MINDY2: variants seen among roughly 807,000 people sequenced by gnomAD.
The protein encoded by MINDY2 is MINDY lysine 48 deubiquitinase 2, also known as ubiquitin carboxyl-terminal hydrolase MINDY-2.
A neutral mutation model predicts 68.2 loss-of-function variants in MINDY2; 52 were observed. The observed-to-expected ratio is 0.76, with a 90% CI of 0.61 to 0.96. The LOEUF (loss-of-function observed/expected upper bound fraction) is 0.96, where lower values mean the gene tolerates loss of function less well. MINDY2 is among the 40% of genes least tolerant of loss of function. The probability of loss-of-function intolerance (pLI) is 0.00; values close to 1 mark genes in which losing one functional copy is unlikely to be tolerated. For missense variants in MINDY2, 881 were observed against 773.4 expected (o/e 1.14, Z -1.65); for synonymous variants, 372 against 303.0 (o/e 1.23, Z -2.36).
intron 2 of MINDY2, among the ~76,000 whole-genome samples, chr15:58,800,150 C>G (rs1482609188): frequency 3.3e-5 from 5 of 152,142 alleles, no homozygotes; most frequent in Non-Finnish European, 5.9e-5. Context: ...ATGCCAAGCC[C>G]TCTCTTCCAT....
At chr15:58,813,636 C>T (rs1461695016) in intron 4 of MINDY2, among the ~76,000 whole-genome samples, 3 of 152,086 alleles carry the variant, frequency 2.0e-5, no homozygotes, top group Admixed American at 2.0e-4. Context: ...CAGGGTCTTG[C>T]TTTGTTGCCC....
chr15:58,831,860 G>A lies in MINDY2; in HGVS notation c.1312G>A (p.Gly438Arg). 1.2e-6 allele frequency: 2 copies of A among 1,613,640 alleles called. No individual in the cohort carries two copies. The highest frequency in any genetic ancestry group is 8.5e-7 in the Non-Finnish European group (1 of 1,179,784). ...LCELTSTVQE[G>R]ELCVFFRNNH... ...TGAACTAACTTCAACGGTTCAGGAA[G>A]GAGAACTTTGTGTGTTCTTTCGGAA... The change falls in exon 6 of 9, where the codon GGA becomes AGA. Residue 438 changes from glycine to arginine, a missense_variant. Coordinates refer to ENST00000559228, the MANE Select transcript of MINDY2 (RefSeq NM_001040450.3).
At chr15:58,773,623 G>C (rs752127718) in intron 1 of MINDY2, among the ~76,000 whole-genome samples, 1 of 152,124 alleles carries the variant, frequency 6.6e-6, no homozygotes, top group Non-Finnish European at 1.5e-5. Flanking sequence ...TCAAAAAGGG[G>C]ACATTTTCCT....
At chr15:58,819,740 ATAAAG>A (rs1286479653) in intron 4 of MINDY2, among the ~76,000 whole-genome samples, 3 of 152,246 alleles carry the variant, frequency 2.0e-5, no homozygotes, top group African/African-American at 7.2e-5. Context: ...GAAAAGCACT[ATAAAG>A]TAAAGGTGTT....
In MINDY2 at chr15:58,854,788, CTCTT is replaced by C. The variant is rs1320193146; in HGVS notation, c.*180_*183del. ...AGACTTTTTCAAGTCACACAATACA[CTCTT>C]TATGAGCTGGAGTTTCATGTTACAA... On this transcript the variant is annotated 3_prime_UTR_variant, in exon 9 of 9. Coordinates refer to ENST00000559228, the MANE Select transcript of MINDY2 (RefSeq NM_001040450.3). 4 of 529,048 alleles carry C rather than the reference CTCTT, an allele frequency of 7.6e-6. No individual in the cohort carries two copies. The highest frequency in any genetic ancestry group is 3.8e-5 in the African/African-American group (2 of 52,294). 32.8% of individuals were successfully genotyped at this position (529,048 alleles called of 1,614,324 possible). A position where few individuals can be genotyped will look rare whatever the true frequency, so the allele number is the denominator to read the frequency against.
At chr15:58,841,074 C>A (rs547959491) in intron 6 of MINDY2, among the ~76,000 whole-genome samples, 2 of 151,564 alleles carry the variant, frequency 1.3e-5, no homozygotes, top group African/African-American at 4.9e-5. Context: ...CTCTGCCTCC[C>A]GGGTTCAAGA....
chr15:58,797,228 C>T (rs796068340), intron 2 of MINDY2, among the ~76,000 whole-genome samples: 133 of 152,180 alleles, frequency 8.7e-4, no homozygotes, highest in African/African-American at 3.0e-3. Flanking sequence ...TTAATTTTGC[C>T]AGGTGTGATG....
At chr15:58,844,286 G>A (rs1329249598) in intron 6 of MINDY2, among the ~76,000 whole-genome samples, 3 of 152,052 alleles carry the variant, frequency 2.0e-5, no homozygotes, top group Non-Finnish European at 2.9e-5. Flanking sequence ...GGTGGCTCAC[G>A]CCTGTAATCC....
At chr15:58,840,124 C>T (rs1014352568) in intron 6 of MINDY2, among the ~76,000 whole-genome samples, 9 of 152,124 alleles carry the variant, frequency 5.9e-5, no homozygotes, top group Non-Finnish European at 5.9e-5. Flanking sequence ...GTGAGCCACG[C>T]GTTTGGCCTC....
chr15:58,848,983 G>T (rs1365858779), intron 7 of MINDY2, among the ~76,000 whole-genome samples: 1 of 152,138 alleles, frequency 6.6e-6, no homozygotes, highest in East Asian at 1.9e-4. Flanking sequence ...GCTGAGGCAG[G>T]TGGATCACCT....
intron 2 of MINDY2, among the ~76,000 whole-genome samples, chr15:58,798,892 A>G (rs1902456162): frequency 6.6e-6 from 1 of 152,232 alleles, no homozygotes; most frequent in African/African-American, 2.4e-5. Flanking sequence ...AGTAATAAAA[A>G]GTTAACACAT....
In MINDY2 at chr15:58,825,745, A is replaced by G. The variant is rs117830580; in HGVS notation, c.1225+3926A>G. ...CTTAGCCTCCCAGGTAGCTGGGACT[A>G]CAGGCTCACGCCACCACGCTGGCTA... On this transcript the variant is annotated intron_variant, in intron 5 of 8. Transcript: ENST00000559228. 1.7e-3 allele frequency among the ~76,000 whole-genome samples: 264 copies of G among 152,258 alleles called. 3 individuals are homozygous for G. In the East Asian group the frequency reaches 0.049, roughly 28 times the overall value.
chr15:58,810,843 A>T (rs1029334638), intron 4 of MINDY2, among the ~76,000 whole-genome samples: 1 of 152,200 alleles, frequency 6.6e-6, no homozygotes, highest in Non-Finnish European at 1.5e-5. Flanking sequence ...CTTCCCCTGG[A>T]TCCTCAGGAC....
intron 3 of MINDY2, among the ~76,000 whole-genome samples, chr15:58,807,362 T>TTC: frequency 6.8e-6 from 1 of 146,662 alleles, no homozygotes; most frequent in East Asian, 2.0e-4. Flanking sequence ...TCTTTTTTTT[T>TTC]TTTTTTTTTT....
In MINDY2 at chr15:58,857,046, A is replaced by C. The variant is rs2033081904; in HGVS notation, c.*2436A>C. ...TGTCAATGTATACTTACAAGGAAAA[A>C]CTAAAAAATGTAATGTGTTAATTCA... On this transcript the variant is annotated 3_prime_UTR_variant, in exon 9 of 9. Coordinates refer to ENST00000559228, the MANE Select transcript of MINDY2 (RefSeq NM_001040450.3). 6.6e-6 allele frequency: 1 copy of C among 152,206 alleles called. No homozygotes were observed. The highest frequency in any genetic ancestry group is 2.1e-4 in the South Asian group (1 of 4,828). The allele number at this position is 152,206 out of a possible 1,614,324, so 9.4% of individuals were successfully genotyped here. A position where few individuals can be genotyped will look rare whatever the true frequency, so the allele number is the denominator to read the frequency against.
At position 58,850,956 on chromosome 15, in the gene MINDY2, T is replaced by G. The variant is rs185241689; in HGVS notation, c.1543-815T>G. ...CCTATATATGGCTTCCAGAAAAAAT[T>G]TCAAATACATTCCCCCAATTTTTTG... On this transcript the variant is annotated intron_variant, in intron 7 of 8. Coordinates refer to ENST00000559228, the MANE Select transcript of MINDY2 (RefSeq NM_001040450.3). Among the ~76,000 whole-genome samples, 123 of 152,142 alleles carry G rather than the reference T, an allele frequency of 8.1e-4. 1 individual carries two copies. Among genetic ancestry groups the G allele is most frequent in the South Asian group, 1.2e-3 (6 of 4,830 alleles).
chr15:58,821,720 G>T lies in MINDY2; in HGVS notation c.1126G>T (p.Asp376Tyr). The T allele has an allele frequency of 6.4e-7, 1 of 1,560,010 alleles. No homozygotes were observed. Among genetic ancestry groups the T allele is most frequent in the South Asian group, 1.2e-5 (1 of 80,610 alleles). ...GAGACAGTCATTTGTTTTCTAGATTGATGACATTGTAAAAGCTGTTGGTAA... is the reference window on the plus strand; with the variant it reads ...GAGACAGTCATTTGTTTTCTAGATTTATGACATTGTAAAAGCTGTTGGTAA... ...YHGWLVDPQI[D>Y]DIVKAVGNCS... Residue 376 changes from aspartate (D) to tyrosine (Y), a missense_variant, in exon 5 of 9, where the codon GAT becomes TAT. Transcript: ENST00000559228.
rs995889570 is a variant in MINDY2 at position 58,813,853 on chromosome 15, A to G, written c.1122+3465A>G. ...GATCCAGTTTCTCTGCATCTTCATC[A>G]GCACTTAATGTTGTCACTATTTTTT... On this transcript the variant is annotated intron_variant, in intron 4 of 8. Coordinates refer to ENST00000559228, the MANE Select transcript of MINDY2 (RefSeq NM_001040450.3). Among the ~76,000 whole-genome samples, 4 of 151,894 alleles carry G rather than the reference A, an allele frequency of 2.6e-5. No homozygotes were observed. The South Asian group carries it at 8.3e-4, about 32-fold the overall frequency.
intron 1 of MINDY2, among the ~76,000 whole-genome samples, chr15:58,785,939 G>A (rs943172962): frequency 5.3e-5 from 8 of 151,830 alleles, no homozygotes; most frequent in Admixed American, 2.0e-4. Flanking sequence ...TCAACCTCCC[G>A]GATTACAGGT....
Sources: allele counts gnomAD v4.1 joint callset (sites outside exome capture counted in the v4.1 genomes callset), GRCh38; gene constraint gnomAD v4.1.1; transcripts MANE v1.5; gene names NCBI Gene and HGNC (gene_info 2026-07-23, HGNC 2026-07-21).